Variants in ARHGAP44 observed in about 807,000 individuals in gnomAD.
The protein encoded by ARHGAP44 is Rho GTPase activating protein 44.
In ARHGAP44, 43 loss-of-function variants were observed where a neutral mutation model predicts 106.8. The ratio of observed to expected loss-of-function variants is 0.40; its 90% CI spans 0.32 to 0.52. ARHGAP44 has a LOEUF of 0.52. Among genes scored for constraint, ARHGAP44 ranks in the 20% least tolerant of loss-of-function variants. The pLI, the probability that ARHGAP44 is intolerant of heterozygous loss-of-function variation, is 0.48. For missense variants in ARHGAP44, 866 were observed against 1,050.5 expected, an observed-to-expected ratio of 0.82 and a Z score of 2.43; for synonymous variants, 439 against 410.3, an observed-to-expected ratio of 1.07 and a Z score of -0.85.
intron 4 of ARHGAP44, among the ~76,000 whole-genome samples, chr17:12,910,087 G>A (rs572737471): frequency 3.5e-4 from 54 of 152,138 alleles, no homozygotes; most frequent in African/African-American, 1.3e-3. Flanking sequence ...GATAAAATAG[G>A]GAAGAGTAAG....
rs367607261 is a variant in ARHGAP44, at chr17:12,896,417, G to A, written c.104G>A (p.Arg35His). The A allele has an allele frequency of 5.0e-6, 8 of 1,600,632 alleles. No individual in the cohort carries two copies. The highest frequency in any genetic ancestry group is 2.7e-5 in the African/African-American group (2 of 74,602). Reference protein sequence around the residue: ...LSEDLLQVEKRLELVKQVSHS... With the variant: ...LSEDLLQVEKHLELVKQVSHS... ...CTCTTCTCTCTGCAGGTGGAGAAGC[G>A]TCTGGAGCTGGTGAAACAGGTGTCC... Residue 35 changes from arginine (R) to histidine (H), a missense_variant, in exon 3 of 21, where the codon CGT (arginine) becomes CAT (histidine). Arg to His is a conservative substitution (Grantham distance 29). Coordinates refer to ENST00000379672, the MANE Select transcript of ARHGAP44 (RefSeq NM_014859.6).
In ARHGAP44 at chr17:12,984,764, A is replaced by C; in HGVS notation, c.2173A>C (p.Lys725Gln). 1 of 1,613,990 alleles carries C rather than the reference A, an allele frequency of 6.2e-7. No homozygotes were observed. Among genetic ancestry groups the C allele is most frequent in the Non-Finnish European group, 8.5e-7 (1 of 1,179,894 alleles). ...SPSVFTSTLS[K>Q]SRPTPKPRQR... ...TTCTGTCTTTACAAGCACTTTGAGC[A>C]AATCGCGGCCCACTCCTAAGCCGCG... The change falls in exon 20 of 21, where the codon AAA becomes CAA. Residue 725 changes from lysine to glutamine, a missense_variant. Transcript: ENST00000379672.
chr17:12,815,434 A>G (rs952893788), intron 1 of ARHGAP44, among the ~76,000 whole-genome samples: 30 of 152,218 alleles, frequency 2.0e-4, no homozygotes, highest in Non-Finnish European at 4.4e-4. Context: ...GGAAGCGTGA[A>G]TAATAGAATA....
chr17:12,932,034 C>T (rs1160489986), intron 7 of ARHGAP44, among the ~76,000 whole-genome samples: 1 of 151,824 alleles, frequency 6.6e-6, no homozygotes, highest in African/African-American at 2.4e-5. Context: ...GGATAGATTC[C>T]AAGAAGTGAC....
chr17:12,908,285 C>T (rs1229997358), intron 3 of ARHGAP44, among the ~76,000 whole-genome samples: 1 of 150,826 alleles, frequency 6.6e-6, no homozygotes, highest in African/African-American at 2.4e-5. Context: ...CAACCTCTGC[C>T]TCCCGGGTTC....
chr17:12,831,241 A>G (rs905146457), intron 1 of ARHGAP44, among the ~76,000 whole-genome samples: 3 of 152,216 alleles, frequency 2.0e-5, no homozygotes, highest in Non-Finnish European at 4.4e-5. Flanking sequence ...TAGTCAGTGA[A>G]GAGTCCAGCA....
rs560100465 is a variant in ARHGAP44, at chr17:12,977,435, C to T, written c.1764-2623C>T. On this transcript the variant is annotated intron_variant, in intron 18 of 20. Transcript: ENST00000379672. ...CTGACTGGTTCCCACCTTCCCACTC[C>T]CTACCCCAGGCCCCACCTTCAGTTC... is the stretch of plus-strand genomic sequence containing the variant. Among the ~76,000 whole-genome samples the T allele has an allele frequency of 5.9e-5, 9 of 152,210 alleles. No homozygotes were observed. The South Asian group carries it at 1.9e-3, about 32-fold the overall frequency.
intron 13 of ARHGAP44, among the ~76,000 whole-genome samples, chr17:12,953,052 T>C (rs926014654): frequency 1.3e-5 from 2 of 152,140 alleles, no homozygotes; most frequent in African/African-American, 4.8e-5. Context: ...CTTAAGATAT[T>C]GGGGATTTGT....
intron 1 of ARHGAP44, among the ~76,000 whole-genome samples, chr17:12,872,101 C>T (rs1339726805): frequency 5.3e-5 from 8 of 152,158 alleles, no homozygotes; most frequent in Non-Finnish European, 1.0e-4. Context: ...ATTCTGTTTT[C>T]TTGCATTCTA....
intron 13 of ARHGAP44, among the ~76,000 whole-genome samples, chr17:12,955,443 C>G (rs979921150): frequency 6.6e-6 from 1 of 152,058 alleles, no homozygotes; most frequent in Non-Finnish European, 1.5e-5. Context: ...TCCAGAGCAC[C>G]CAACTGAGGG....
At chr17:12,841,637 C>CACAAAAAAAA (rs1555546101) in intron 1 of ARHGAP44, among the ~76,000 whole-genome samples, 2 of 101,618 alleles carry the variant, frequency 2.0e-5, no homozygotes, top group African/African-American at 7.4e-5. Context: ...CACACACACA[C>CACAAAAAAAA]ACAAACAAAC....
At chr17:12,886,626 T>C (rs1415816472) in intron 1 of ARHGAP44, among the ~76,000 whole-genome samples, 2 of 152,216 alleles carry the variant, frequency 1.3e-5, no homozygotes, top group African/African-American at 2.4e-5. Context: ...ATGTACAATT[T>C]ATTTTTGTAT....
At chr17:12,895,711 A>G (rs2150920159) in intron 2 of ARHGAP44, among the ~76,000 whole-genome samples, 1 of 152,344 alleles carries the variant, frequency 6.6e-6, no homozygotes, top group South Asian at 2.1e-4. Context: ...CTCAAGGATC[A>G]GAACTAGAAA....
At chr17:12,791,556 T>G (rs2033758671) in intron 1 of ARHGAP44, among the ~76,000 whole-genome samples, 1 of 152,188 alleles carries the variant, frequency 6.6e-6, no homozygotes, top group African/African-American at 2.4e-5. Flanking sequence ...CAGAACATGT[T>G]TATGCCTCCT....
chr17:12,974,131 A>T lies in ARHGAP44; in HGVS notation c.1584A>T (p.Arg528Ser). ...TGGACACAAACTGGGTGGCTCGAAG[A>T]GGCTCCTCGGCCGGTCGGAAAGTGT... ...RVMDTNWVAR[R>S]GSSAGRKVSC... Residue 528 changes from arginine to serine, a missense_variant, in exon 18 of 21, where the codon AGA becomes AGT. By Grantham distance (110) the Arg-to-Ser change is moderately radical. Coordinates refer to ENST00000379672, the MANE Select transcript of ARHGAP44 (RefSeq NM_014859.6). 1 of 1,569,128 alleles carries T rather than the reference A, an allele frequency of 6.4e-7. No individual in the cohort carries two copies. The highest frequency in any genetic ancestry group is 8.6e-7 in the Non-Finnish European group (1 of 1,157,306).
Position 12,984,528 on chromosome 17 carries a change from C to T in ARHGAP44, c.1940-3C>T. 6.6e-7 allele frequency: 1 copy of T among 1,513,888 alleles called. No individual in the cohort carries two copies. The highest frequency in any genetic ancestry group is 1.4e-5 in the African/African-American group (1 of 71,842). The allele number at this position is 1,513,888 out of a possible 1,614,324, so 93.8% of individuals were successfully genotyped here. ...TGTTGTTGTGTTGTGTTTTCTCTTT[C>T]AGTTTCAAAGAAGCTGGCACCGATT... On this transcript the variant is annotated splice_polypyrimidine_tract_variant and splice_region_variant and intron_variant, in intron 19 of 20. Coordinates refer to ENST00000379672, the MANE Select transcript of ARHGAP44 (RefSeq NM_014859.6).
At chr17:12,943,247 C>G (rs1349905837) in intron 8 of ARHGAP44, among the ~76,000 whole-genome samples, 1 of 152,118 alleles carries the variant, frequency 6.6e-6, no homozygotes, top group Non-Finnish European at 1.5e-5. Context: ...TTTCCACTTG[C>G]TACAGTTACC....
At chr17:12,978,940 C>T (rs934860046) in intron 18 of ARHGAP44, among the ~76,000 whole-genome samples, 38 of 152,220 alleles carry the variant, frequency 2.5e-4, no homozygotes, top group East Asian at 2.3e-3. Context: ...CTGCCTGCCT[C>T]GGCCTCCCAA....
chr17:12,984,788 C>T lies in ARHGAP44; in HGVS notation c.2197C>T (p.Arg733Ter), dbSNP rs377074868. ...CAAATCGCGGCCCACTCCTAAGCCGCGACAGAGACCTACTCTGCCGCCTCC... is the reference window on the plus strand; with the variant it reads ...CAAATCGCGGCCCACTCCTAAGCCGTGACAGAGACCTACTCTGCCGCCTCC... The part of the protein sequence containing the change: ...LSKSRPTPKP[R>*]QRPTLPPPQP... Residue 733 changes from arginine to a stop codon, truncating the protein, a stop_gained, in exon 20 of 21, where the codon CGA becomes TGA. Transcript: ENST00000379672. LOFTEE classifies it high-confidence loss of function. The T allele has an allele frequency of 2.5e-6, 4 of 1,613,978 alleles. No individual in the cohort carries two copies. Among genetic ancestry groups the T allele is most frequent in the South Asian group, 1.1e-5 (1 of 91,086 alleles).
Sources: gnomAD v4.1 joint callset for allele counts (sites outside exome capture counted in the v4.1 genomes callset) on GRCh38, gnomAD v4.1.1 for gene constraint, MANE v1.5 for transcripts, NCBI Gene and HGNC (gene_info 2026-07-23, HGNC 2026-07-21) for gene names.